SYCE2: variants seen among roughly 807,000 people sequenced by gnomAD.
The protein encoded by SYCE2 is central element synaptonemal complex 1.
A neutral mutation model predicts 27.9 loss-of-function variants in SYCE2; 3 were observed. The ratio of observed to expected loss-of-function variants is 0.11; its 90% confidence interval spans 0.05 to 0.28. The LOEUF is 0.28. SYCE2 is among the 10% of genes least tolerant of loss of function. SYCE2 has a pLI of 1.00. For missense variants in SYCE2, 207 were observed against 263.5 expected (o/e 0.79, Z 1.48); for synonymous variants, 85 against 100.7 (o/e 0.84, Z 0.93).
intron 3 of SYCE2, among the ~76,000 whole-genome samples, chr19:12,903,679 C>T (rs1054600322): frequency 2.0e-5 from 3 of 152,140 alleles, no homozygotes; most frequent in Admixed American, 6.6e-5. Context: ...GCCACCACAC[C>T]TGGCCCCTAT....
intron 2 of SYCE2, 43 bp downstream of exon 2, chr19:12,918,179 C>T (rs777028797): frequency 3.9e-6 from 6 of 1,532,780 alleles, no homozygotes; most frequent in Non-Finnish European, 5.4e-6. Context: ...ATGAGAGGGA[C>T]CCAGGGGCCT....
intron 3 of SYCE2, among the ~76,000 whole-genome samples, chr19:12,901,776 C>T (rs535927076): frequency 6.6e-6 from 1 of 151,912 alleles, no homozygotes; most frequent in Non-Finnish European, 1.5e-5. Flanking sequence ...CCACCACACC[C>T]AGCTAACTTT....
Position 12,918,311 on chromosome 19 carries a change from T to G in SYCE2, c.42A>C (p.Lys14Asn). Reference sequence around the variant, plus strand: ...CCCCCAAGGGCTGCGGTTCCTGGTCTTTGCATTTCACATGGGGCACGTCCA... The same window carrying G: ...CCCCCAAGGGCTGCGGTTCCTGGTCGTTGCATTTCACATGGGGCACGTCCA... ...QGVDVPHVKC[K>N]DQEPQPLGES... The change falls in exon 2 of 6, where the codon AAA (lysine) becomes AAC (asparagine). Residue 14 changes from lysine to asparagine, a missense_variant. Coordinates refer to ENST00000293695, the MANE Select transcript of SYCE2 (RefSeq NM_001105578.2). 1 of 1,614,144 alleles carries G rather than the reference T, an allele frequency of 6.2e-7. No individual in the cohort carries two copies. The highest frequency in any genetic ancestry group is 1.7e-5 in the Admixed American group (1 of 60,002).
intron 3 of SYCE2, among the ~76,000 whole-genome samples, chr19:12,902,802 G>A (rs1429970779): frequency 1.3e-5 from 2 of 151,986 alleles, no homozygotes; most frequent in Non-Finnish European, 2.9e-5. Context: ...GCAACAGCAA[G>A]GCTTGTCTCA....
rs371914136 is a variant in SYCE2 at position 12,919,212 on chromosome 19, C to G, written c.15+31G>C. 4 of 1,609,946 alleles carry G rather than the reference C, an allele frequency of 2.5e-6. No individual in the cohort carries two copies. The African/African-American group carries it at 5.3e-5, about 21-fold the overall frequency. On this transcript the variant is annotated intron_variant, in intron 1 of 5. Coordinates refer to ENST00000293695, the MANE Select transcript of SYCE2 (RefSeq NM_001105578.2). Reference sequence around the variant, plus strand: ...TCCCTGCCTATCTGTCCGCCCGCCCCACGCGCGAGAAGGAAACAAGCGCCG... The same window carrying G: ...TCCCTGCCTATCTGTCCGCCCGCCCGACGCGCGAGAAGGAAACAAGCGCCG...
chr19:12,916,890 C>G (rs1231192478), intron 2 of SYCE2, among the ~76,000 whole-genome samples: 1 of 151,952 alleles, frequency 6.6e-6, no homozygotes, highest in Non-Finnish European at 1.5e-5. Context: ...GCCAGGACTA[C>G]ATGCATGCAC....
intron 1 of SYCE2, among the ~76,000 whole-genome samples, 196 bp from the exon 2 acceptor site, chr19:12,918,533 GACACCAGGACACCAGA>G (rs1305355876): frequency 6.6e-6 from 1 of 152,142 alleles, no homozygotes; most frequent in Non-Finnish European, 1.5e-5. Flanking sequence ...GTCCCTAGGG[GACACCAGGACACCAGA>G]CCTAGAGGGG....
chr19:12,917,637 A>AGG (rs1355820644), intron 2 of SYCE2, among the ~76,000 whole-genome samples: 1 of 138,160 alleles, frequency 7.2e-6, no homozygotes, highest in African/African-American at 2.8e-5. Context: ...CTAGGATTAC[A>AGG]GGCATAAGCC....
chr19:12,907,673 C>A (rs561678667), intron 2 of SYCE2, among the ~76,000 whole-genome samples: 39 of 152,282 alleles, frequency 2.6e-4, no homozygotes, highest in African/African-American at 9.4e-4. Flanking sequence ...TGTCTGTAAT[C>A]CCAGCTACTA....
At chr19:12,919,102 G>A (rs1971195379) in intron 1 of SYCE2, 141 bp downstream of exon 1, 1 of 1,106,084 alleles carries the variant, frequency 9.0e-7, no homozygotes, top group Non-Finnish European at 1.3e-6. Flanking sequence ...GAAATTTGAG[G>A]CCAGGCCTGA....
In SYCE2 at chr19:12,899,384, G is replaced by C; in HGVS notation, c.614C>G (p.Ala205Gly). ...VSSVAETTSQ[A>G]TASEVQTNRD... ...GTTGGTCTGTACTTCTGAAGCAGTG[G>C]CCTGGGGATACATGAAAATTGATTT... The change falls in exon 6 of 6, where the codon GCC becomes GGC. Residue 205 changes from alanine to glycine, a missense_variant and splice_region_variant. Transcript: ENST00000293695. The C allele has an allele frequency of 6.2e-7, 1 of 1,614,138 alleles. No individual in the cohort carries two copies. Among genetic ancestry groups the C allele is most frequent in the Non-Finnish European group, 8.5e-7 (1 of 1,180,008 alleles).
In SYCE2 at chr19:12,900,130, A is replaced by G; in HGVS notation, c.496-10T>C. The G allele has an allele frequency of 6.3e-7, 1 of 1,599,382 alleles. No individual in the cohort carries two copies. The highest frequency in any genetic ancestry group is 8.5e-7 in the Non-Finnish European group (1 of 1,175,086). On this transcript the variant is annotated splice_polypyrimidine_tract_variant and intron_variant, in intron 4 of 5. Coordinates refer to ENST00000293695, the MANE Select transcript of SYCE2 (RefSeq NM_001105578.2). ...TGAGTCTTAGGCTCTGCTGTAAAAA[A>G]GAAACCCAGGTTAGCAGTGCCGGTC...
intron 4 of SYCE2, 26 bp downstream of exon 4, chr19:12,900,434 C>T (rs780234950): frequency 6.2e-6 from 10 of 1,604,278 alleles, no homozygotes; most frequent in African/African-American, 4.0e-5. Flanking sequence ...CCTCAGGCAG[C>T]GCCCCCCCTG....
chr19:12,905,781 G>A (rs560133052), intron 2 of SYCE2, among the ~76,000 whole-genome samples: 6 of 152,152 alleles, frequency 3.9e-5, no homozygotes, highest in Non-Finnish European at 8.8e-5. Flanking sequence ...GGGACTACAA[G>A]CATGTGCTAC....
intron 4 of SYCE2, 86 bp downstream of exon 4, chr19:12,900,374 G>T: frequency 6.9e-7 from 1 of 1,447,228 alleles, no homozygotes; most frequent in Non-Finnish European, 9.3e-7. Flanking sequence ...AGGGCTGGGT[G>T]CCTGGTTTCT....
intron 2 of SYCE2, among the ~76,000 whole-genome samples, chr19:12,908,449 C>G (rs997415515): frequency 6.6e-6 from 1 of 151,792 alleles, no homozygotes; most frequent in African/African-American, 2.4e-5. Context: ...CTCAGCCTCC[C>G]GAGTAGCTGG....
intron 2 of SYCE2, 100 bp from the exon 3 acceptor site, chr19:12,904,766 C>G: frequency 7.4e-7 from 1 of 1,346,160 alleles, no homozygotes; most frequent in Non-Finnish European, 1.0e-6. Context: ...CTTTGTAGGC[C>G]GAGGTGGGCG....
chr19:12,907,381 G>C (rs143703278), intron 2 of SYCE2, among the ~76,000 whole-genome samples: 2 of 152,132 alleles, frequency 1.3e-5, no homozygotes, highest in Non-Finnish European at 2.9e-5. Context: ...ACATTTCCTC[G>C]TCGCCCTCTG....
intron 2 of SYCE2, among the ~76,000 whole-genome samples, chr19:12,909,852 C>G (rs1168254763): frequency 6.6e-6 from 1 of 151,896 alleles, no homozygotes; most frequent in Non-Finnish European, 1.5e-5. Flanking sequence ...AGGCATGAAC[C>G]ACTGTGCCCA....
Sources: gnomAD v4.1 joint callset for allele counts (sites outside exome capture counted in the v4.1 genomes callset) on GRCh38, gnomAD v4.1.1 for gene constraint, MANE v1.5 for transcripts, NCBI Gene and HGNC (gene_info 2026-07-23, HGNC 2026-07-21) for gene names.